The following MON2 variants were observed in gnomAD, a reference collection of about 807,000 sequenced individuals.
The protein encoded by MON2 is protein MON2 homolog.
Under a neutral mutation model 208.6 loss-of-function variants are expected in MON2, and 84 were observed. The ratio of observed to expected loss-of-function variants is 0.40; its 90% CI spans 0.34 to 0.48. The LOEUF is 0.48. Ranked by LOEUF, MON2 falls within the 20% of genes least tolerant of loss-of-function variation. The probability of loss-of-function intolerance (pLI) is 0.59; values close to 1 mark genes in which losing one functional copy is unlikely to be tolerated. For synonymous variants in MON2, 660 were observed against 694.0 expected (o/e 0.95, Z 0.77); for missense variants, 1,611 against 2,015.4 (o/e 0.80, Z 3.84).
chr12:62,494,026 A>T lies in MON2; in HGVS notation c.287A>T (p.His96Leu). 6.2e-7 allele frequency: 1 copy of T among 1,612,830 alleles called. No individual in the cohort carries two copies. Residue 96 changes from histidine (H) to leucine (L), a missense_variant, in exon 3 of 35, where the codon CAT becomes CTT. Transcript: ENST00000393630. ...GCTGCTATTCAGAGACTCATGTCAC[A>T]TGAAGTCGTGTCTGAGGTAATATGA... ...CLAAIQRLMS[H>L]EVVSETAAGN... is the part of the protein sequence containing the mutation.
rs752634290 is a variant in MON2, at chr12:62,484,248, TA to T, written c.175+20del. 1.3e-6 allele frequency: 2 copies of T among 1,546,260 alleles called. No homozygotes were observed. The highest frequency in any genetic ancestry group is 1.8e-6 in the Non-Finnish European group (2 of 1,133,084). On this transcript the variant is annotated intron_variant, in intron 2 of 34. Transcript: ENST00000393630. The stretch of plus-strand genomic sequence containing the variant: ...AATTTTGGCAGGTAATTTTTTGTAT[TA>T]AAAATTTAATAATAAACAAAAATTT...
intron 5 of MON2, 30 bp from the exon 6 acceptor site, chr12:62,500,753 C>T (rs201434593): frequency 2.7e-6 from 3 of 1,107,284 alleles, no homozygotes; most frequent in East Asian, 2.5e-5. Context: ...CTATTATGAA[C>T]TCCTAAAACC....
At chr12:62,532,741 T>C in intron 12 of MON2, 71 bp downstream of exon 12, 1 of 1,168,906 alleles carries the variant, frequency 8.6e-7, no homozygotes. Context: ...TTGTAGTCTT[T>C]ATAAATCTTT....
chr12:62,489,360 C>A (rs2069982865), intron 2 of MON2, among the ~76,000 whole-genome samples: 1 of 151,770 alleles, frequency 6.6e-6, no homozygotes, highest in African/African-American at 2.4e-5. Flanking sequence ...TTAAATTATT[C>A]TTTTTTAAAA....
In MON2 at chr12:62,549,781, GC is replaced by G; in HGVS notation, c.2869del (p.Leu957SerfsTer10). Reference protein sequence around the residue: ...QIVVDVAGSFGLHNQELNISL... With the variant: ...QIVVDVAGSFXLHNQELNISL... The stretch of plus-strand genomic sequence containing the variant: ...GTTGTAGATGTTGCAGGTAGCTTTG[GC>G]CTCCATAACCAAGAACTCAATATTA... On this transcript the variant is annotated frameshift_variant, in exon 23 of 35. Transcript: ENST00000393630. LOFTEE classifies it high-confidence loss of function. 6.2e-7 allele frequency: 1 copy of G among 1,612,318 alleles called. No homozygotes were observed. Among genetic ancestry groups the G allele is most frequent in the Non-Finnish European group, 8.5e-7 (1 of 1,179,192 alleles).
At chr12:62,585,931 G>T (rs1433001603) in intron 33 of MON2, among the ~76,000 whole-genome samples, 1 of 152,130 alleles carries the variant, frequency 6.6e-6, no homozygotes, top group Admixed American at 6.5e-5. Context: ...GTTTCTCTCT[G>T]TGTCAGCTAG....
At chr12:62,493,838 G>A in intron 2 of MON2, 77 bp from the exon 3 acceptor site, 4 of 1,097,926 alleles carry the variant, frequency 3.6e-6, no homozygotes, top group Non-Finnish European at 5.0e-6. Flanking sequence ...CGCTATTACT[G>A]GTTGTAATTA....
chr12:62,492,399 C>G (rs2136040925), intron 2 of MON2, among the ~76,000 whole-genome samples: 1 of 121,644 alleles, frequency 8.2e-6, no homozygotes, highest in African/African-American at 3.1e-5. Flanking sequence ...GAGTCTCGCT[C>G]TGTCGCCCAG....
In MON2 at chr12:62,593,010, C is replaced by T; in HGVS notation, c.*261C>T. On this transcript the variant is annotated 3_prime_UTR_variant, in exon 35 of 35. Transcript: ENST00000393630. ...ATTAACACTACAGTATACATGCTAC[C>T]ATATCTCCAGTTGGTGATTTAAAGT... The T allele has an allele frequency of 3.6e-6, 1 of 281,506 alleles. No individual in the cohort carries two copies. The highest frequency in any genetic ancestry group is 4.7e-5 in the Admixed American group (1 of 21,382). The allele number at this position is 281,506 out of a possible 1,614,324, so 17.4% of individuals were successfully genotyped here.
Position 62,588,137 on chromosome 12 carries a change from GA to G in MON2, c.4975del (p.Thr1659LeufsTer14). The G allele has an allele frequency of 6.3e-7, 1 of 1,578,716 alleles. No individual in the cohort carries two copies. The highest frequency in any genetic ancestry group is 8.7e-7 in the Non-Finnish European group (1 of 1,152,398). On this transcript the variant is annotated frameshift_variant, in exon 34 of 35. Coordinates refer to ENST00000393630, the MANE Select transcript of MON2 (RefSeq NM_015026.3). LOFTEE classifies it high-confidence loss of function. Reference sequence around the variant, plus strand: ...TCAGTACTCTTATTGATTCACTTAAGAAAACTCAGCCTGAGAATGGTAAGTG... The same window carrying G: ...TCAGTACTCTTATTGATTCACTTAAGAAACTCAGCCTGAGAATGGTAAGTG... ...AVSTLIDSLK[K>X]TQPENVDGNT...
chr12:62,549,972 G>T, intron 23 of MON2, 142 bp downstream of exon 23: 1 of 493,708 alleles, frequency 2.0e-6, no homozygotes, highest in Non-Finnish European at 3.5e-6. Context: ...TCTGGGTGAA[G>T]GATTAAATAA....
intron 24 of MON2, among the ~76,000 whole-genome samples, chr12:62,553,911 T>C (rs1004430077): frequency 6.6e-6 from 1 of 152,158 alleles, no homozygotes. Context: ...GGGCTGGGCA[T>C]GGTGACTGAC....
At chr12:62,578,532 C>T (rs754564467) in intron 31 of MON2, 27 bp downstream of exon 31, 5 of 1,413,400 alleles carry the variant, frequency 3.5e-6, no homozygotes, top group South Asian at 1.3e-5. Flanking sequence ...AAATGTTTTC[C>T]TGTGACCATT....
intron 26 of MON2, 192 bp from the exon 27 acceptor site, chr12:62,565,045 T>C (rs966453706): frequency 8.0e-6 from 4 of 498,622 alleles, no homozygotes; most frequent in Admixed American, 8.2e-5. Flanking sequence ...TTTTAGCTGA[T>C]TAACAGTTTC....
chr12:62,566,402 G>C lies in MON2; in HGVS notation c.4275G>C (p.Ala1425=), dbSNP rs144890374. The C allele has an allele frequency of 9.3e-6, 15 of 1,613,448 alleles. No individual in the cohort carries two copies. The African/African-American group carries it at 2.0e-4, about 22-fold the overall frequency. ...TTGTGGATTTATACCAAAAAACAGC[G>C]TGTCACAAAGCAGTGGTGAATGAGA... The part of the protein sequence containing the change: ...EVVVDLYQKT[A]CHKAVVNEKV... The change falls in exon 29 of 35, where the codon GCG becomes GCC. Residue 1425 remains alanine (A), a synonymous_variant. Coordinates refer to ENST00000393630, the MANE Select transcript of MON2 (RefSeq NM_015026.3).
chr12:62,575,099 C>G (rs894504635), intron 30 of MON2, among the ~76,000 whole-genome samples: 1 of 152,182 alleles, frequency 6.6e-6, no homozygotes, highest in African/African-American at 2.4e-5. Context: ...GCACTCCAGC[C>G]TGGGCAACAG....
Position 62,578,463 on chromosome 12 carries a change from C to A in MON2, c.4533C>A (p.Leu1511=). The change falls in exon 31 of 35, where the codon CTC becomes CTA. Residue 1511 remains leucine (L), a synonymous_variant. Coordinates refer to ENST00000393630, the MANE Select transcript of MON2 (RefSeq NM_015026.3). ...LFTKSIPPDN[L]SIQEFQRNEN... is the part of the protein sequence containing the mutation. ...TTTTTAGCATACCTCCAGATAATCT[C>A]TCTATTCAAGAGTTTCAAAGAAATG... is the stretch of plus-strand genomic sequence containing the variant. The A allele has an allele frequency of 1.4e-6, 2 of 1,474,114 alleles. No homozygotes were observed. The highest frequency in any genetic ancestry group is 2.3e-5 in the East Asian group (1 of 42,588). 91.3% of individuals were successfully genotyped at this position (1,474,114 alleles called of 1,614,324 possible). A position where few individuals can be genotyped will look rare whatever the true frequency, so the allele number is the denominator to read the frequency against.
intron 24 of MON2, among the ~76,000 whole-genome samples, chr12:62,553,918 T>A (rs1325936457): frequency 6.6e-6 from 1 of 152,156 alleles, no homozygotes; most frequent in African/African-American, 2.4e-5. Flanking sequence ...GCATGGTGAC[T>A]GACACCTGTA....
intron 32 of MON2, among the ~76,000 whole-genome samples, chr12:62,585,089 A>T (rs2075158520): frequency 8.8e-6 from 1 of 113,610 alleles, no homozygotes; most frequent in African/African-American, 3.8e-5. Context: ...ACACACACAC[A>T]CACACACACA....
Sources: gnomAD v4.1 joint callset for allele counts (sites outside exome capture counted in the v4.1 genomes callset) on GRCh38, gnomAD v4.1.1 for gene constraint, MANE v1.5 for transcripts, NCBI Gene and HGNC (gene_info 2026-07-23, HGNC 2026-07-21) for gene names.